Variants in SUZ12 observed in about 807,000 individuals in gnomAD.
SUZ12 encodes the protein polycomb protein SUZ12.
In SUZ12, 17 loss-of-function variants were observed where a neutral mutation model predicts 87.3. The ratio of observed to expected loss-of-function variants is 0.19; its 90% CI spans 0.13 to 0.29. The LOEUF is 0.29. Among genes scored for constraint, SUZ12 ranks in the 10% least tolerant of loss-of-function variants. The probability of loss-of-function intolerance (pLI) is 1.00; values close to 1 mark genes in which losing one functional copy is unlikely to be tolerated. For synonymous variants in SUZ12, 253 were observed against 312.4 expected, an observed-to-expected ratio of 0.81 and a Z score of 2.01; for missense variants, 526 against 912.2, an observed-to-expected ratio of 0.58 and a Z score of 5.45.
chr17:31,941,696 C>T (rs541699838), intron 3 of SUZ12, among the ~76,000 whole-genome samples: 3 of 151,824 alleles, frequency 2.0e-5, no homozygotes, highest in South Asian at 2.1e-4. Flanking sequence ...ACTATAGGCG[C>T]GTGCCACCAT....
chr17:31,945,800 T>C (rs1483996220), intron 3 of SUZ12, among the ~76,000 whole-genome samples: 2 of 152,196 alleles, frequency 1.3e-5, no homozygotes, highest in Non-Finnish European at 2.9e-5. Flanking sequence ...GAGATGAACC[T>C]TAGAACGTAC....
chr17:31,983,310 C>G (rs1158798941), intron 9 of SUZ12, among the ~76,000 whole-genome samples: 2 of 134,424 alleles, frequency 1.5e-5, no homozygotes, highest in Non-Finnish European at 3.1e-5. Flanking sequence ...GAGTCTTGCT[C>G]TGTTGCCCAG....
At chr17:31,970,513 A>C (rs955448197) in intron 5 of SUZ12, among the ~76,000 whole-genome samples, 1 of 152,076 alleles carries the variant, frequency 6.6e-6, no homozygotes, top group African/African-American at 2.4e-5. Flanking sequence ...CCATAATCCC[A>C]GCTACTCTGG....
intron 13 of SUZ12, 89 bp downstream of exon 13, chr17:31,994,810 G>C: frequency 7.1e-7 from 1 of 1,402,990 alleles, no homozygotes; most frequent in South Asian, 1.4e-5. Flanking sequence ...CTACTAGTTC[G>C]TTAGGTGGAA....
At position 32,000,189 on chromosome 17, in the gene SUZ12, G is replaced by T. The variant is rs1328812267; in HGVS notation, c.*1186G>T. 4.3e-6 allele frequency: 1 copy of T among 233,238 alleles called. No individual in the cohort carries two copies. Among genetic ancestry groups the T allele is most frequent in the Non-Finnish European group, 8.5e-6 (1 of 117,846 alleles). The allele number at this position is 233,238 out of a possible 1,614,324, so 14.4% of individuals were successfully genotyped here. A position where few individuals can be genotyped will look rare whatever the true frequency, so the allele number is the denominator to read the frequency against. Reference sequence around the variant, plus strand: ...ACCTCAATTTTTTATTATCCTTAAAGATATTGCATTTTCATATTCTTTATT... The same window carrying T: ...ACCTCAATTTTTTATTATCCTTAAATATATTGCATTTTCATATTCTTTATT... On this transcript the variant is annotated 3_prime_UTR_variant, in exon 16 of 16. Transcript: ENST00000322652.
At chr17:31,979,103 CAAAAAAAAAAA>C (rs61307349) in intron 8 of SUZ12, among the ~76,000 whole-genome samples, 2 of 65,262 alleles carry the variant, frequency 3.1e-5, no homozygotes, top group East Asian at 5.7e-4. Flanking sequence ...ACTGTGTCTC[CAAAAAAAAAAA>C]AAAAAAAAAA....
intron 8 of SUZ12, among the ~76,000 whole-genome samples, chr17:31,982,403 T>G (rs976549616): frequency 6.6e-5 from 10 of 152,226 alleles, no homozygotes; most frequent in African/African-American, 1.9e-4. Context: ...GGTTCACGCC[T>G]GTAATCCCAG....
chr17:31,966,130 CTTTTT>C lies in SUZ12; in HGVS notation c.456-7_456-3del. ...GAGCATTACAATGATAAAATATTTC[CTTTTT>C]TTTTTTTTTAGCTTGTCAGCTCATT... On this transcript the variant is annotated splice_polypyrimidine_tract_variant and intron_variant, in intron 4 of 15. Coordinates refer to ENST00000322652, the MANE Select transcript of SUZ12 (RefSeq NM_015355.4). The C allele has an allele frequency of 7.0e-7, 1 of 1,420,038 alleles. No individual in the cohort carries two copies. Among genetic ancestry groups the C allele is most frequent in the Non-Finnish European group, 9.5e-7 (1 of 1,049,748 alleles). The allele number at this position is 1,420,038 out of a possible 1,614,324, so 88.0% of individuals were successfully genotyped here.
intron 4 of SUZ12, among the ~76,000 whole-genome samples, chr17:31,955,263 C>T (rs1385776670): frequency 2.0e-5 from 3 of 152,020 alleles, no homozygotes; most frequent in African/African-American, 4.8e-5. Flanking sequence ...CTACCATGTC[C>T]CACTTATTTT....
chr17:31,964,564 A>C (rs771526748), intron 4 of SUZ12, among the ~76,000 whole-genome samples: 22 of 151,760 alleles, frequency 1.4e-4, no homozygotes, highest in Non-Finnish European at 2.5e-4. Flanking sequence ...GTGCCACCAT[A>C]CCCAGCTAAT....
Position 31,999,022 on chromosome 17 carries a change from T to A in SUZ12, c.*19T>A, listed in dbSNP as rs765020343. ...ACTCTGAAAAGCTCTAACCCCATGTTATGGACAAACACTGAAATTACATTT... is the reference window on the plus strand; with the variant it reads ...ACTCTGAAAAGCTCTAACCCCATGTAATGGACAAACACTGAAATTACATTT... On this transcript the variant is annotated 3_prime_UTR_variant, in exon 16 of 16. Coordinates refer to ENST00000322652, the MANE Select transcript of SUZ12 (RefSeq NM_015355.4). 4 of 1,499,704 alleles carry A rather than the reference T, an allele frequency of 2.7e-6. No individual in the cohort carries two copies. The highest frequency in any genetic ancestry group is 1.8e-4 in the Middle Eastern group (1 of 5,584). The allele number at this position is 1,499,704 out of a possible 1,614,324, so 92.9% of individuals were successfully genotyped here.
rs1037187482 is a variant in SUZ12 at position 31,937,224 on chromosome 17, G to A, written c.-23G>A. ...CGGGGCCGCCCGGCGGGTAGCTGGC[G>A]GGGGGAGGAGGCAGGAACCGCGATG... On this transcript the variant is annotated 5_prime_UTR_variant, in exon 1 of 16. Transcript: ENST00000322652. The A allele has an allele frequency of 1.4e-6, 2 of 1,397,636 alleles. No homozygotes were observed. The highest frequency in any genetic ancestry group is 3.9e-5 in the Admixed American group (1 of 25,360). 86.6% of individuals were successfully genotyped at this position (1,397,636 alleles called of 1,614,324 possible).
intron 9 of SUZ12, among the ~76,000 whole-genome samples, chr17:31,984,318 T>C (rs143535139): frequency 6.6e-6 from 1 of 152,326 alleles, no homozygotes; most frequent in East Asian, 1.9e-4. Flanking sequence ...TGTTCATTAA[T>C]TGTGACAACT....
At chr17:31,995,029 G>A (rs886478875) in intron 13 of SUZ12, among the ~76,000 whole-genome samples, 5 of 152,176 alleles carry the variant, frequency 3.3e-5, no homozygotes, top group Non-Finnish European at 7.4e-5. Context: ...CTGGGAGGTC[G>A]AGGTTGCAGT....
intron 9 of SUZ12, among the ~76,000 whole-genome samples, chr17:31,984,919 G>A (rs1253224590): frequency 6.6e-6 from 1 of 152,222 alleles, no homozygotes; most frequent in Non-Finnish European, 1.5e-5. Flanking sequence ...ACTTTGGGAA[G>A]CCAAGGCGGG....
intron 15 of SUZ12, among the ~76,000 whole-genome samples, chr17:31,998,158 C>A (rs1910079070): frequency 1.3e-5 from 2 of 150,830 alleles, no homozygotes; most frequent in African/African-American, 4.9e-5. Context: ...CGACTCACTG[C>A]AAGCTCCACC....
intron 4 of SUZ12, among the ~76,000 whole-genome samples, chr17:31,951,337 A>G (rs1192914619): frequency 6.6e-6 from 1 of 152,222 alleles, no homozygotes; most frequent in African/African-American, 2.4e-5. Context: ...AAACTAAACC[A>G]AGATATGAGC....
intron 10 of SUZ12, among the ~76,000 whole-genome samples, chr17:31,989,222 C>T (rs1054000914): frequency 4.6e-5 from 7 of 152,038 alleles, no homozygotes; most frequent in African/African-American, 1.4e-4. Flanking sequence ...CTCTGCTGGC[C>T]TCTATGTGAT....
intron 9 of SUZ12, 54 bp from the exon 10 acceptor site, chr17:31,988,266 T>G (rs1431616402): frequency 6.9e-7 from 1 of 1,456,098 alleles, no homozygotes; most frequent in Non-Finnish European, 9.2e-7. Flanking sequence ...TTTCTACAAT[T>G]TATTTGAATT....
Sources: allele counts gnomAD v4.1 joint callset (sites outside exome capture counted in the v4.1 genomes callset), GRCh38; gene constraint gnomAD v4.1.1; transcripts MANE v1.5; gene names NCBI Gene and HGNC (gene_info 2026-07-23, HGNC 2026-07-21).